Variants in WDR19 observed in about 807,000 individuals in gnomAD.
The protein encoded by WDR19 is WD repeat domain 19.
WDR19 carries 121 observed loss-of-function variants against 180.0 expected under a neutral mutation model. The observed-to-expected ratio is 0.67, with a 90% CI of 0.58 to 0.78. WDR19 has a LOEUF of 0.78. WDR19 is among the 30% of genes least tolerant of loss of function. The pLI is 0.00. For synonymous variants in WDR19, 497 were observed against 540.7 expected (o/e 0.92, Z 1.12); for missense variants, 1,450 against 1,640.7 (o/e 0.88, Z 2.01).
intron 14 of WDR19, chr4:39,218,714 C>T (rs1329134474): frequency 6.6e-6 from 1 of 152,184 alleles, no homozygotes; most frequent in Non-Finnish European, 1.5e-5. Context: ...TTAACCTTAG[C>T]TCACTGTAAC....
In WDR19 at chr4:39,244,312, G is replaced by A. The variant is rs375285886; in HGVS notation, c.2486G>A (p.Arg829Gln). 13 of 1,613,838 alleles carry A rather than the reference G, an allele frequency of 8.1e-6. No homozygotes were observed. Among genetic ancestry groups the A allele is most frequent in the East Asian group, 2.2e-5 (1 of 44,896 alleles). The change falls in exon 22 of 37, where the codon CGA becomes CAA. Residue 829 changes from arginine to glutamine, a missense_variant. Arg to Gln is a conservative substitution (Grantham distance 43). Transcript: ENST00000399820. ...TCCATAAGAATGGGAGACATACGTCGAGGGGTTAACCAAGCCCTCAAGCAT... is the reference window on the plus strand; with the variant it reads ...TCCATAAGAATGGGAGACATACGTCAAGGGGTTAACCAAGCCCTCAAGCAT... ...QMSIRMGDIR[R>Q]GVNQALKHPS... is the part of the protein sequence containing the mutation.
intron 1 of WDR19, 133 bp downstream of exon 1, chr4:39,182,696 GTGGCC>G: frequency 2.3e-6 from 3 of 1,320,382 alleles, no homozygotes; most frequent in Non-Finnish European, 2.1e-6. Flanking sequence ...AGAGAGAGAG[GTGGCC>G]AGAGAGAGCG....
rs918799231 is a variant in WDR19 at position 39,281,202 on chromosome 4, T to C, written c.*13+2539T>C. The stretch of plus-strand genomic sequence containing the variant: ...GTTATTGCCTTCTTTGTCCTAAATA[T>C]ATATGTGTGTGTGTATATATATATA... On this transcript the variant is annotated intron_variant, in intron 36 of 36. Coordinates refer to ENST00000399820, the MANE Select transcript of WDR19 (RefSeq NM_025132.4). Among the ~76,000 whole-genome samples the C allele has an allele frequency of 1.5e-4, 16 of 106,282 alleles. 2 individuals carry two copies. Among genetic ancestry groups the C allele is most frequent in the African/African-American group, 8.5e-4 (16 of 18,926 alleles). The allele number at this position is 106,282 out of a possible 152,430, so 69.7% of individuals were successfully genotyped here.
chr4:39,254,158 CAT>C (rs1733532870), intron 26 of WDR19, 128 bp downstream of exon 26: 1 of 808,226 alleles, frequency 1.2e-6, no homozygotes, highest in Admixed American at 3.5e-5. Context: ...ACCATTTATA[CAT>C]AGACACACAT....
In WDR19 at chr4:39,205,938, T is replaced by C. The variant is rs1005570163; in HGVS notation, c.890+202T>C. Reference sequence around the variant, plus strand: ...AAATCAATCTTAAAAATAAAATAGGTAGTTCTGGGTAACATGGAGTAAGCA... The same window carrying C: ...AAATCAATCTTAAAAATAAAATAGGCAGTTCTGGGTAACATGGAGTAAGCA... On this transcript the variant is annotated intron_variant, in intron 9 of 36. Coordinates refer to ENST00000399820, the MANE Select transcript of WDR19 (RefSeq NM_025132.4). The C allele has an allele frequency of 1.2e-5, 6 of 521,600 alleles. No individual in the cohort carries two copies. The African/African-American group carries it at 1.2e-4, about 10-fold the overall frequency. The allele number at this position is 521,600 out of a possible 1,614,324, so 32.3% of individuals were successfully genotyped here. A position where few individuals can be genotyped will look rare whatever the true frequency, so the allele number is the denominator to read the frequency against.
At position 39,216,005 on chromosome 4, in the gene WDR19, G is replaced by A. The variant is rs1053642158; in HGVS notation, c.1126G>A (p.Val376Ile). 4 of 1,595,534 alleles carry A rather than the reference G, an allele frequency of 2.5e-6. No homozygotes were observed. In the Admixed American group the frequency reaches 5.3e-5, roughly 21 times the overall value. The change falls in exon 11 of 37, where the codon GTT (valine) becomes ATT (isoleucine). Residue 376 changes from valine to isoleucine, a missense_variant. Transcript: ENST00000399820. ...CCTTGAAGTCACCGTAGCCAACCCT[G>A]TTGAAGGAGTATGAAAATGGTGTTA... Reference protein sequence around the residue: ...SLLEVTVANPVEGELPITVSV... With the variant: ...SLLEVTVANPIEGELPITVSV...
At chr4:39,184,494 T>C (rs904018634) in intron 1 of WDR19, among the ~76,000 whole-genome samples, 1 of 152,036 alleles carries the variant, frequency 6.6e-6, no homozygotes, top group Admixed American at 6.6e-5. Context: ...TGAGACGAAG[T>C]CTTGCTCTGT....
chr4:39,226,629 G>A (rs1026235), intron 15 of WDR19, among the ~76,000 whole-genome samples: 69,526 of 151,990 alleles, frequency 0.46, 18,541 homozygotes, highest in East Asian at 0.62. Context: ...GTGACTTTGG[G>A]CAGATTTCTC....
intron 21 of WDR19, among the ~76,000 whole-genome samples, chr4:39,243,445 T>C (rs535182162): frequency 2.0e-5 from 3 of 152,356 alleles, no homozygotes; most frequent in Non-Finnish European, 4.4e-5. Flanking sequence ...TTGTATTTTG[T>C]TTCCACTTGT....
chr4:39,216,328 A>C, intron 12 of WDR19, 118 bp downstream of exon 12: 54 of 814,636 alleles, frequency 6.6e-5, no homozygotes, highest in Non-Finnish European at 9.1e-5. Flanking sequence ...CACATATCTC[A>C]TTCTTAGCTT....
At chr4:39,276,448 T>C (rs538963237) in intron 33 of WDR19, among the ~76,000 whole-genome samples, 7 of 152,204 alleles carry the variant, frequency 4.6e-5, no homozygotes, top group South Asian at 2.1e-4. Context: ...GCACAAATGG[T>C]TTATAGCTAT....
At chr4:39,185,498 C>T (rs1004195971) in intron 1 of WDR19, among the ~76,000 whole-genome samples, 2 of 151,914 alleles carry the variant, frequency 1.3e-5, no homozygotes, top group African/African-American at 4.8e-5. Context: ...AAATAAAAGC[C>T]CTCCTATATC....
At chr4:39,183,174 G>C (rs1210853431) in intron 1 of WDR19, among the ~76,000 whole-genome samples, 1 of 149,668 alleles carries the variant, frequency 6.7e-6, no homozygotes, top group Non-Finnish European at 1.5e-5. Flanking sequence ...TTCTAGGCTT[G>C]GGCTTCTTGT....
At chr4:39,234,505 G>T (rs1191974838) in intron 19 of WDR19, among the ~76,000 whole-genome samples, 1 of 152,052 alleles carries the variant, frequency 6.6e-6, no homozygotes, top group Non-Finnish European at 1.5e-5. Flanking sequence ...TGTTAGATAC[G>T]ACTGAGTTTT....
intron 19 of WDR19, among the ~76,000 whole-genome samples, chr4:39,233,089 C>T (rs1731043260): frequency 6.6e-6 from 1 of 152,088 alleles, no homozygotes; most frequent in South Asian, 2.1e-4. Flanking sequence ...CCCAACAATC[C>T]TATGAGATAG....
chr4:39,237,584 T>C (rs932786420), intron 20 of WDR19: 1 of 152,166 alleles, frequency 6.6e-6, no homozygotes, highest in Non-Finnish European at 1.5e-5. Context: ...AAGTACTCTT[T>C]CATTTCTAAC....
In WDR19 at chr4:39,244,254, GA is replaced by G; in HGVS notation, c.2429del (p.Asp810ValfsTer13). 6.2e-7 allele frequency: 1 copy of G among 1,610,864 alleles called. No individual in the cohort carries two copies. Among genetic ancestry groups the G allele is most frequent in the African/African-American group, 1.3e-5 (1 of 74,978 alleles). Reference protein sequence around the residue: ...KGITGDNKEHDEACLAGVAQM... With the variant: ...KGITGDNKEHXEACLAGVAQM... ...GTTTGCCTTGTGATTGCAGGAACAT[GA>G]TGAAGCTTGTCTGGCTGGAGTGGCC... On this transcript the variant is annotated frameshift_variant, in exon 22 of 37. Transcript: ENST00000399820. LOFTEE classifies it high-confidence loss of function.
At chr4:39,281,263 A>AGAGAGAGAGAGAGAGAGAGAGAGAG (rs57108177) in intron 36 of WDR19, among the ~76,000 whole-genome samples, 29 of 147,234 alleles carry the variant, frequency 2.0e-4, no homozygotes, top group Non-Finnish European at 2.2e-4. Flanking sequence ...AGAGAGAGAG[A>AGAGAGAGAGAGAGAGAGAGAGAGAG]AAGCCTACTA....
chr4:39,201,288 T>TA (rs1727351335), intron 6 of WDR19, among the ~76,000 whole-genome samples: 1 of 152,016 alleles, frequency 6.6e-6, no homozygotes, highest in African/African-American at 2.4e-5. Flanking sequence ...AGAGAAGAAA[T>TA]AGAGTGTAAG....
Sources: gnomAD v4.1 joint callset for allele counts (sites outside exome capture counted in the v4.1 genomes callset) on GRCh38, gnomAD v4.1.1 for gene constraint, MANE v1.5 for transcripts, NCBI Gene and HGNC (gene_info 2026-07-23, HGNC 2026-07-21) for gene names.